Variants in ZNRF1 observed in about 807,000 individuals in gnomAD.
ZNRF1 encodes the protein E3 ubiquitin-protein ligase ZNRF1.
In ZNRF1, 3 loss-of-function variants were observed where a neutral mutation model predicts 18.4. The observed-to-expected ratio is 0.16, with a 90% CI of 0.07 to 0.42. The LOEUF (loss-of-function observed/expected upper bound fraction) is 0.42, where lower values mean the gene tolerates loss of function less well. ZNRF1 is among the 10% of genes least tolerant of loss of function. The probability of loss-of-function intolerance (pLI) is 0.99; values close to 1 mark genes in which losing one functional copy is unlikely to be tolerated. For synonymous variants in ZNRF1, 157 were observed against 144.2 expected (o/e 1.09, Z -0.64); for missense variants, 310 against 329.8 (o/e 0.94, Z 0.47).
chr16:75,107,501 T>G (rs2036331700), intron 4 of ZNRF1: 9 of 333,224 alleles, frequency 2.7e-5, no homozygotes, highest in South Asian at 2.0e-4. Flanking sequence ...TCTTTTTACC[T>G]CCACCTCAAA....
chr16:75,020,528 GTCTTT>G (rs141206916), intron 1 of ZNRF1, among the ~76,000 whole-genome samples: 3,969 of 151,318 alleles, frequency 0.026, 167 homozygotes, highest in African/African-American at 0.083. Flanking sequence ...CTCCTTTTCA[GTCTTT>G]TCTTTTCTTT....
At chr16:75,097,411 G>T (rs1265562755) in intron 2 of ZNRF1, among the ~76,000 whole-genome samples, 1 of 152,132 alleles carries the variant, frequency 6.6e-6, no homozygotes, top group Non-Finnish European at 1.5e-5. Flanking sequence ...GCTGTGTTCT[G>T]GGGGAGCAGA....
intron 1 of ZNRF1, chr16:75,002,364 C>A (rs189355671): frequency 2.0e-5 from 3 of 152,108 alleles, no homozygotes; most frequent in Admixed American, 6.5e-5. Flanking sequence ...TGCTTTGGAG[C>A]CTTTGAGTAA....
At chr16:75,071,098 C>CTTTTTTTT (rs56690008) in intron 1 of ZNRF1, among the ~76,000 whole-genome samples, 2 of 143,468 alleles carry the variant, frequency 1.4e-5, no homozygotes, top group Non-Finnish European at 3.0e-5. Context: ...GCACAGGTGT[C>CTTTTTTTT]TTTTTTTTTT....
chr16:75,093,384 CAAAAAAAAAA>C (rs574718849), intron 1 of ZNRF1, among the ~76,000 whole-genome samples, 178 bp from the exon 2 acceptor site: 1 of 67,918 alleles, frequency 1.5e-5, no homozygotes, highest in Non-Finnish European at 3.2e-5. Context: ...GACTTCGTCT[CAAAAAAAAAA>C]AAAAAAAAGG....
At chr16:75,081,167 T>C (rs1178606413) in intron 1 of ZNRF1, among the ~76,000 whole-genome samples, 1 of 152,108 alleles carries the variant, frequency 6.6e-6, no homozygotes, top group African/African-American at 2.4e-5. Context: ...AGCAAGACTC[T>C]GTCTCAAATA....
chr16:74,999,940 G>T lies in ZNRF1; in HGVS notation c.269G>T (p.Gly90Val). Residue 90 changes from glycine to valine, a missense_variant, in exon 1 of 5, where the codon GGG (glycine) becomes GTG (valine). By Grantham distance (109) the Gly-to-Val change is moderately radical. Transcript: ENST00000335325. ...TCCGAGAGGGCGCCCGGCGGCGGAG[G>T]GTCTGCGTCCGACTCCACCTATGCC... is the stretch of plus-strand genomic sequence containing the variant. ...GDSERAPGGG[G>V]SASDSTYAHG... is the part of the protein sequence containing the mutation. 6.4e-7 allele frequency: 1 copy of T among 1,568,528 alleles called. No homozygotes were observed.
At chr16:75,034,539 T>C (rs1417467192) in intron 1 of ZNRF1, among the ~76,000 whole-genome samples, 1 of 152,194 alleles carries the variant, frequency 6.6e-6, no homozygotes, top group Non-Finnish European at 1.5e-5. Context: ...GACACTTGAG[T>C]TCCTTCTGCC....
chr16:75,089,931 G>A (rs1002190308), intron 1 of ZNRF1, among the ~76,000 whole-genome samples: 1 of 152,198 alleles, frequency 6.6e-6, no homozygotes, highest in African/African-American at 2.4e-5. Flanking sequence ...TGAGTTATCA[G>A]AAACATAAGT....
intron 2 of ZNRF1, among the ~76,000 whole-genome samples, chr16:75,100,437 A>C (rs1297641731): frequency 6.6e-6 from 1 of 152,116 alleles, no homozygotes; most frequent in Non-Finnish European, 1.5e-5. Flanking sequence ...AAAGAGAGTC[A>C]AGTCCAGTCT....
chr16:75,048,072 C>T (rs1054702595), intron 1 of ZNRF1, among the ~76,000 whole-genome samples: 1 of 152,052 alleles, frequency 6.6e-6, no homozygotes, highest in Non-Finnish European at 1.5e-5. Context: ...CCTGCCTCAG[C>T]TTCCCAAGTA....
chr16:75,042,594 T>C (rs961885850), intron 1 of ZNRF1, among the ~76,000 whole-genome samples: 1 of 152,134 alleles, frequency 6.6e-6, no homozygotes, highest in Non-Finnish European at 1.5e-5. Flanking sequence ...TTCTGTTCCA[T>C]TGATTTATGT....
At chr16:75,081,071 G>T (rs913739122) in intron 1 of ZNRF1, among the ~76,000 whole-genome samples, 2 of 152,078 alleles carry the variant, frequency 1.3e-5, no homozygotes, top group African/African-American at 4.8e-5. Context: ...TACTCCGGAG[G>T]CTGAGACAGG....
At chr16:75,084,952 G>A (rs1277164083) in intron 1 of ZNRF1, among the ~76,000 whole-genome samples, 1 of 152,176 alleles carries the variant, frequency 6.6e-6, no homozygotes, top group South Asian at 2.1e-4. Flanking sequence ...TCATTTTATT[G>A]CAGACATCAG....
At chr16:75,023,686 A>C (rs1232241659) in intron 1 of ZNRF1, among the ~76,000 whole-genome samples, 1 of 122,576 alleles carries the variant, frequency 8.2e-6, no homozygotes, top group Non-Finnish European at 2.0e-5. Flanking sequence ...TCCATCAAAC[A>C]AACAAACAAA....
intron 2 of ZNRF1, among the ~76,000 whole-genome samples, chr16:75,096,061 CGTGTGTGTGTGTGT>C (rs56013949): frequency 4.4e-4 from 61 of 139,750 alleles, no homozygotes; most frequent in African/African-American, 1.5e-3. Context: ...TATGTGTGCA[CGTGTGTGTGTGTGT>C]GTGTGTGTGT....
At chr16:75,082,065 A>T (rs570132066) in intron 1 of ZNRF1, among the ~76,000 whole-genome samples, 183 of 152,160 alleles carry the variant, frequency 1.2e-3, no homozygotes, top group African/African-American at 4.2e-3. Context: ...TTTGGTAGAG[A>T]TGGGGGTCTC....
At chr16:75,106,620 C>CCCCAA in intron 4 of ZNRF1, 49 bp downstream of exon 4, 1 of 1,537,718 alleles carries the variant, frequency 6.5e-7, no homozygotes, top group Non-Finnish European at 9.0e-7. Context: ...GGGGTCAGGT[C>CCCCAA]ACTTTGGGGG....
chr16:75,002,797 C>T (rs2034869304), intron 1 of ZNRF1, among the ~76,000 whole-genome samples: 1 of 152,202 alleles, frequency 6.6e-6, no homozygotes, highest in African/African-American at 2.4e-5. Flanking sequence ...TCCTGACTTC[C>T]CTGTGCTGTG....
Sources: gnomAD v4.1 joint callset for allele counts (sites outside exome capture counted in the v4.1 genomes callset) on GRCh38, gnomAD v4.1.1 for gene constraint, MANE v1.5 for transcripts, NCBI Gene and HGNC (gene_info 2026-07-23, HGNC 2026-07-21) for gene names.